The following EZH2 variants were observed in gnomAD, a reference collection of about 807,000 sequenced individuals.
EZH2 encodes enhancer of zeste 2 polycomb repressive complex 2 subunit, also known as histone-lysine N-methyltransferase EZH2.
EZH2 carries 18 observed loss-of-function variants against 98.4 expected under a neutral mutation model. The ratio of observed to expected loss-of-function variants is 0.18; its 90% confidence interval spans 0.13 to 0.27. The LOEUF is 0.27. Among genes scored for constraint, EZH2 ranks in the 10% least tolerant of loss-of-function variants. The pLI is 1.00. For synonymous variants in EZH2, 338 were observed against 312.3 expected (o/e 1.08, Z -0.87); for missense variants, 470 against 935.1 (o/e 0.50, Z 6.49).
chr7:148,834,381 A>T (rs1258563467), intron 3 of EZH2, among the ~76,000 whole-genome samples: 2 of 147,108 alleles, frequency 1.4e-5, no homozygotes, highest in Admixed American at 6.8e-5. Flanking sequence ...ACACACACAC[A>T]CATATTAAAT....
intron 10 of EZH2, 193 bp downstream of exon 10, chr7:148,817,684 G>A: frequency 1.3e-6 from 1 of 784,976 alleles, no homozygotes; most frequent in South Asian, 1.8e-5. Flanking sequence ...AACCAAGCAG[G>A]GCAAACACCA....
chr7:148,819,090 AAG>A (rs987978608), intron 9 of EZH2: 2 of 456,484 alleles, frequency 4.4e-6, no homozygotes, highest in African/African-American at 4.0e-5. Flanking sequence ...TGGTAAAAAT[AAG>A]AGAGTACCCG....
chr7:148,818,082 A>C lies in EZH2; in HGVS notation c.1035T>G (p.Ala345=), dbSNP rs1372091764. The change falls in exon 10 of 20, where the codon GCT becomes GCG. Residue 345 remains alanine, a synonymous_variant. Coordinates refer to ENST00000320356, the MANE Select transcript of EZH2 (RefSeq NM_004456.5). ...GAKEFAAALT[A]ERIKTPPKRP... The stretch of plus-strand genomic sequence containing the variant: ...GTTTTGGTGGGGTCTTTATCCGCTC[A>C]GCGGTGAGAGCAGCAGCAAACTCCT... The C allele has an allele frequency of 2.5e-6, 4 of 1,607,504 alleles. No homozygotes were observed. The African/African-American group carries it at 5.4e-5, about 22-fold the overall frequency.
At chr7:148,883,611 T>A (rs1191385659) in intron 1 of EZH2, 1 of 144,702 alleles carries the variant, frequency 6.9e-6, no homozygotes, top group Non-Finnish European at 1.5e-5. Context: ...GGCCCGCGCC[T>A]CCCCACGCCC....
At chr7:148,865,132 A>T (rs1818266330) in intron 1 of EZH2, among the ~76,000 whole-genome samples, 1 of 151,988 alleles carries the variant, frequency 6.6e-6, no homozygotes, top group South Asian at 2.1e-4. Flanking sequence ...TCTCAAAAAA[A>T]AAAAAAAAAA....
chr7:148,871,012 A>G (rs1291482897), intron 1 of EZH2, among the ~76,000 whole-genome samples: 1 of 152,192 alleles, frequency 6.6e-6, no homozygotes, highest in Non-Finnish European at 1.5e-5. Context: ...CATTTAACAA[A>G]TGATGCATGG....
At chr7:148,870,570 G>A (rs1168733764) in intron 1 of EZH2, among the ~76,000 whole-genome samples, 1 of 151,898 alleles carries the variant, frequency 6.6e-6, no homozygotes, top group East Asian at 1.9e-4. Flanking sequence ...AGGGGTGGTG[G>A]TGCATACCTG....
chr7:148,837,838 G>A (rs751322514), intron 3 of EZH2, among the ~76,000 whole-genome samples: 4 of 152,200 alleles, frequency 2.6e-5, no homozygotes, highest in Non-Finnish European at 5.9e-5. Flanking sequence ...ATGAAAAAGA[G>A]TAATTCATAT....
intron 1 of EZH2, chr7:148,883,132 C>G (rs1821250548): frequency 6.6e-6 from 1 of 152,226 alleles, no homozygotes; most frequent in Non-Finnish European, 1.5e-5. Flanking sequence ...AGATGTATCA[C>G]ACAAGTTGGC....
intron 17 of EZH2, chr7:148,810,104 CCA>C (rs1449417775): frequency 7.2e-6 from 3 of 413,824 alleles, no homozygotes; most frequent in African/African-American, 3.9e-5. Context: ...ATAGTGCCAC[CCA>C]CAGACAGCCG....
chr7:148,837,205 T>C (rs905572749), intron 3 of EZH2, among the ~76,000 whole-genome samples: 1 of 152,210 alleles, frequency 6.6e-6, no homozygotes, highest in African/African-American at 2.4e-5. Context: ...TAAGTCCAAC[T>C]TCCATATAGT....
intron 1 of EZH2, among the ~76,000 whole-genome samples, chr7:148,880,451 A>C (rs1820797792): frequency 6.6e-6 from 1 of 152,204 alleles, no homozygotes; most frequent in South Asian, 2.1e-4. Context: ...ATATTTTTGC[A>C]AAGAGATCAT....
chr7:148,836,280 AC>A (rs1810908626), intron 3 of EZH2, among the ~76,000 whole-genome samples: 1 of 152,130 alleles, frequency 6.6e-6, no homozygotes, highest in Non-Finnish European at 1.5e-5. Flanking sequence ...CTGATGGTCT[AC>A]CCCCACCTCA....
At chr7:148,848,959 A>C (rs1315618098) in intron 1 of EZH2, among the ~76,000 whole-genome samples, 1 of 152,098 alleles carries the variant, frequency 6.6e-6, no homozygotes, top group African/African-American at 2.4e-5. Flanking sequence ...GGGATATAAG[A>C]GACTCCCATA....
In EZH2 at chr7:148,847,109, A is replaced by G. The variant is rs190856120; in HGVS notation, c.117+73T>C. The G allele has an allele frequency of 6.8e-5, 103 of 1,504,910 alleles. No homozygotes were observed. In the East Asian group the frequency reaches 1.3e-3, roughly 19 times the overall value. The allele number at this position is 1,504,910 out of a possible 1,614,324, so 93.2% of individuals were successfully genotyped here. ...TTGGCTAGAATTATTTTAAATAAAA[A>G]CTTATTGAACTTAGGAGGGGAAAAA... On this transcript the variant is annotated intron_variant, in intron 2 of 19. Transcript: ENST00000320356.
chr7:148,883,429 G>A (rs1259130879), intron 1 of EZH2: 2 of 152,428 alleles, frequency 1.3e-5, no homozygotes, highest in Non-Finnish European at 2.9e-5. Flanking sequence ...GCGACCGCCG[G>A]AGCTCAGGGG....
Position 148,807,706 on chromosome 7 carries a change from T to C in EZH2, c.2196A>G (p.Arg732=). Residue 732 remains arginine, a splice_region_variant and synonymous_variant, in exon 20 of 20, where the codon AGA becomes AGG. Transcript: ENST00000320356. ...QTGEELFFDY[R]YSQADALKYV... is the part of the protein sequence containing the mutation. The stretch of plus-strand genomic sequence containing the variant: ...ACTTCAGGGCATCAGCCTGGCTGTA[T>C]CTGAAACAACAGGAAGGAGATGTCC... The C allele has an allele frequency of 6.3e-7, 1 of 1,589,028 alleles. No individual in the cohort carries two copies. Among genetic ancestry groups the C allele is most frequent in the Non-Finnish European group, 8.6e-7 (1 of 1,167,126 alleles).
chr7:148,845,083 G>T (rs1033111960), intron 3 of EZH2, among the ~76,000 whole-genome samples: 1 of 152,128 alleles, frequency 6.6e-6, no homozygotes, highest in African/African-American at 2.4e-5. Context: ...CCTAAGTTAG[G>T]CTTTTGATAG....
intron 10 of EZH2, 57 bp from the exon 11 acceptor site, chr7:148,817,448 T>C: frequency 1.3e-6 from 2 of 1,551,562 alleles, no homozygotes; most frequent in East Asian, 2.3e-5. Flanking sequence ...TATTAAGAAG[T>C]ACAATTCAGG....
Sources: allele counts gnomAD v4.1 joint callset (sites outside exome capture counted in the v4.1 genomes callset), GRCh38; gene constraint gnomAD v4.1.1; transcripts MANE v1.5; gene names NCBI Gene and HGNC (gene_info 2026-07-23, HGNC 2026-07-21).